TSHZ2: variants seen among roughly 807,000 people sequenced by gnomAD.
TSHZ2 encodes the protein teashirt homolog 2.
In TSHZ2, 21 loss-of-function variants were observed where a neutral mutation model predicts 74.4. The ratio of observed to expected loss-of-function variants is 0.28; its 90% CI spans 0.20 to 0.41. The LOEUF (loss-of-function observed/expected upper bound fraction) is 0.41, where lower values mean the gene tolerates loss of function less well. TSHZ2 is among the 10% of genes least tolerant of loss of function. The probability of loss-of-function intolerance (pLI) is 1.00; values close to 1 mark genes in which losing one functional copy is unlikely to be tolerated. For synonymous variants in TSHZ2, 540 were observed against 515.3 expected, an observed-to-expected ratio of 1.05 and a Z score of -0.65; for missense variants, 1,244 against 1,293.5, an observed-to-expected ratio of 0.96 and a Z score of 0.59.
chr20:53,068,194 A>G lies in TSHZ2; in HGVS notation c.40+94861A>G, dbSNP rs1359081783. ...GAATAACGTCATATTCACGGGTACC[A>G]GGGGTTAGAACTTCAACTTTTCTTT... On this transcript the variant is annotated intron_variant, in intron 1 of 2. Transcript: ENST00000371497. 2.0e-5 allele frequency among the ~76,000 whole-genome samples: 3 copies of G among 152,318 alleles called. No homozygotes were observed. The East Asian group carries it at 5.8e-4, about 29-fold the overall frequency.
At chr20:53,366,151 G>T (rs77235924) in intron 2 of TSHZ2, among the ~76,000 whole-genome samples, 2,382 of 152,252 alleles carry the variant, frequency 0.016, 62 homozygotes, top group African/African-American at 0.049. Context: ...AGAGTTATTT[G>T]GATCATTCTC....
chr20:53,415,783 T>A (rs1424780278), intron 2 of TSHZ2, among the ~76,000 whole-genome samples: 1 of 130,922 alleles, frequency 7.6e-6, no homozygotes, highest in Non-Finnish European at 1.7e-5. Flanking sequence ...TATAAATGTA[T>A]GTGTGTGTGT....
chr20:52,981,702 G>C (rs1981575908), intron 1 of TSHZ2, among the ~76,000 whole-genome samples: 1 of 152,196 alleles, frequency 6.6e-6, no homozygotes, highest in Non-Finnish European at 1.5e-5. Flanking sequence ...ATTCTGGGCT[G>C]TTTGGAGTCC....
intron 1 of TSHZ2, among the ~76,000 whole-genome samples, chr20:53,008,448 T>C (rs1040180677): frequency 2.0e-5 from 3 of 152,128 alleles, no homozygotes; most frequent in Admixed American, 2.0e-4. Context: ...AGGCTTATAA[T>C]GGCTTAAGAG....
intron 1 of TSHZ2, among the ~76,000 whole-genome samples, chr20:53,046,013 G>T (rs1054430419): frequency 6.6e-6 from 1 of 152,086 alleles, no homozygotes; most frequent in Non-Finnish European, 1.5e-5. Context: ...GCTTTCTGAG[G>T]TCCTTTCCAA....
At chr20:53,271,701 G>T (rs1990842767) in intron 2 of TSHZ2, among the ~76,000 whole-genome samples, 1 of 152,220 alleles carries the variant, frequency 6.6e-6, no homozygotes, top group Admixed American at 6.5e-5. Flanking sequence ...AGAGGGAAAA[G>T]TGTTGCGGAA....
chr20:53,021,590 C>T (rs77947414), intron 1 of TSHZ2, among the ~76,000 whole-genome samples: 2,306 of 152,302 alleles, frequency 0.015, 27 homozygotes, highest in Non-Finnish European at 0.024. Context: ...TTTCCCCTTA[C>T]GATAAATATG....
intron 2 of TSHZ2, among the ~76,000 whole-genome samples, chr20:53,395,300 C>T (rs753751749): frequency 4.6e-5 from 7 of 151,980 alleles, no homozygotes; most frequent in Non-Finnish European, 8.8e-5. Context: ...GAATTAGAGA[C>T]GATGAGTAAG....
At chr20:53,229,400 T>A in intron 1 of TSHZ2, among the ~76,000 whole-genome samples, 1 of 152,176 alleles carries the variant, frequency 6.6e-6, no homozygotes, top group East Asian at 1.9e-4. Context: ...AGCAGCCATG[T>A]TTTATATCAA....
chr20:53,305,995 G>T (rs1032807380), intron 2 of TSHZ2, among the ~76,000 whole-genome samples: 1 of 149,300 alleles, frequency 6.7e-6, no homozygotes, highest in Non-Finnish European at 1.5e-5. Flanking sequence ...AAAAAAATAC[G>T]TTTGGCTGCA....
At chr20:53,085,177 A>G (rs1256164007) in intron 1 of TSHZ2, among the ~76,000 whole-genome samples, 1 of 151,978 alleles carries the variant, frequency 6.6e-6, no homozygotes, top group African/African-American at 2.4e-5. Context: ...AGCCAGGCGA[A>G]TATGGTGAAA....
chr20:53,240,016 A>G (rs1990028573), intron 1 of TSHZ2, among the ~76,000 whole-genome samples: 1 of 152,208 alleles, frequency 6.6e-6, no homozygotes, highest in Admixed American at 6.5e-5. Flanking sequence ...CAAAGTACAA[A>G]GACAAAATCT....
At chr20:53,189,110 T>C (rs1988671441) in intron 1 of TSHZ2, among the ~76,000 whole-genome samples, 1 of 152,198 alleles carries the variant, frequency 6.6e-6, no homozygotes, top group Admixed American at 6.5e-5. Flanking sequence ...TGACAAGGTG[T>C]ACAAATGTAA....
rs563502835 is a variant in TSHZ2, at chr20:53,219,265, T to C, written c.41-34234T>C. Among the ~76,000 whole-genome samples the C allele has an allele frequency of 7.2e-5, 11 of 152,330 alleles. No homozygotes were observed. The South Asian group carries it at 2.1e-3, about 29-fold the overall frequency. On this transcript the variant is annotated intron_variant, in intron 1 of 2. Coordinates refer to ENST00000371497, the MANE Select transcript of TSHZ2 (RefSeq NM_173485.6). ...TTTCTATGGCCCACCCCTGGCTTTT[T>C]AAACACGAGAACAATCTTAAGCAGT...
At chr20:53,383,391 C>G (rs777530129) in intron 2 of TSHZ2, among the ~76,000 whole-genome samples, 1 of 152,142 alleles carries the variant, frequency 6.6e-6, no homozygotes, top group African/African-American at 2.4e-5. Flanking sequence ...GAGATGTACC[C>G]TAGAAGTTCT....
intron 1 of TSHZ2, among the ~76,000 whole-genome samples, chr20:53,045,228 C>A (rs766487506): frequency 1.3e-5 from 2 of 152,158 alleles, no homozygotes; most frequent in Admixed American, 6.5e-5. Context: ...AAGAGTACAG[C>A]GGGTCATACG....
chr20:53,401,774 C>CTTTTTTTTTTTTTTTTTTTTTTTT (rs59656180), intron 2 of TSHZ2, among the ~76,000 whole-genome samples: 5 of 94,866 alleles, frequency 5.3e-5, no homozygotes, highest in African/African-American at 9.4e-5. Flanking sequence ...AACACATTTT[C>CTTTTTTTTTTTTTTTTTTTTTTTT]TTTTTTTTTT....
At chr20:53,346,595 T>C (rs547729684) in intron 2 of TSHZ2, among the ~76,000 whole-genome samples, 5 of 152,348 alleles carry the variant, frequency 3.3e-5, no homozygotes, top group African/African-American at 9.6e-5. Flanking sequence ...GCTCCTCCTG[T>C]TGACCAAAAC....
intron 1 of TSHZ2, among the ~76,000 whole-genome samples, chr20:53,238,371 AGG>A (rs1213508082): frequency 6.6e-6 from 1 of 152,156 alleles, no homozygotes; most frequent in East Asian, 1.9e-4. Context: ...GTGAGGACCA[AGG>A]GGGCAGAATC....
Sources: allele counts gnomAD v4.1 joint callset (sites outside exome capture counted in the v4.1 genomes callset), GRCh38; gene constraint gnomAD v4.1.1; transcripts MANE v1.5; gene names NCBI Gene and HGNC (gene_info 2026-07-23, HGNC 2026-07-21).